SRPK2: variants seen among roughly 807,000 people sequenced by gnomAD.
SRPK2 encodes SFRS protein kinase 2.
A neutral mutation model predicts 90.8 loss-of-function variants in SRPK2; 21 were observed. The observed-to-expected ratio is 0.23, with a 90% CI of 0.16 to 0.33. SRPK2 has a LOEUF of 0.33. Ranked by LOEUF, SRPK2 falls within the 10% of genes least tolerant of loss-of-function variation. SRPK2 has a pLI of 1.00. For missense variants in SRPK2, 620 were observed against 869.0 expected (o/e 0.71, Z 3.60); for synonymous variants, 288 against 311.1 (o/e 0.93, Z 0.78).
intron 13 of SRPK2, 24 bp downstream of exon 13, chr7:105,132,767 A>G: frequency 6.3e-7 from 1 of 1,577,502 alleles, no homozygotes; most frequent in Non-Finnish European, 8.7e-7. Context: ...TTCCCATGGC[A>G]GCAAAGGGCA....
Position 105,319,504 on chromosome 7 carries a change from CGGGGG to C in SRPK2, c.71+69139_71+69143del, listed in dbSNP as rs796955446. Among the ~76,000 whole-genome samples, 2 of 5,286 alleles carry C rather than the reference CGGGGG, an allele frequency of 3.8e-4. 1 individual carries two copies. The highest frequency in any genetic ancestry group is 0.019 in the East Asian group (2 of 104). The allele number at this position is 5,286 out of a possible 152,430, so 3.5% of individuals were successfully genotyped here. A position where few individuals can be genotyped will look rare whatever the true frequency, so the allele number is the denominator to read the frequency against. Reference sequence around the variant, plus strand: ...ACTCTTAAATTTAATGCACTTGCGGCGGGGGGGGGGGGGGCGGTGGATGGCAGGGG... The same window carrying C: ...ACTCTTAAATTTAATGCACTTGCGGCGGGGGGGGGCGGTGGATGGCAGGGG... On this transcript the variant is annotated intron_variant, in intron 2 of 15. Coordinates refer to ENST00000393651, the MANE Select transcript of SRPK2 (RefSeq NM_182692.3).
intron 2 of SRPK2, among the ~76,000 whole-genome samples, chr7:105,269,315 T>C (rs943220164): frequency 2.0e-5 from 3 of 152,142 alleles, no homozygotes; most frequent in Admixed American, 6.6e-5. Flanking sequence ...CTAAAAAATA[T>C]GGCTCAGTGA....
At chr7:105,308,267 T>A (rs1811351029) in intron 2 of SRPK2, among the ~76,000 whole-genome samples, 1 of 152,198 alleles carries the variant, frequency 6.6e-6, no homozygotes, top group Non-Finnish European at 1.5e-5. Flanking sequence ...AGTTGGCACC[T>A]GAATATTTCT....
At chr7:105,384,384 A>G (rs1306459678) in intron 2 of SRPK2, among the ~76,000 whole-genome samples, 3 of 152,222 alleles carry the variant, frequency 2.0e-5, no homozygotes, top group Non-Finnish European at 2.9e-5. Flanking sequence ...TATTCCTGAC[A>G]ACTACAATTT....
chr7:105,124,822 A>G (rs1251227681), intron 15 of SRPK2, among the ~76,000 whole-genome samples: 2 of 151,810 alleles, frequency 1.3e-5, no homozygotes, highest in Non-Finnish European at 2.9e-5. Flanking sequence ...TGAAGGACCA[A>G]CTACACTCAT....
chr7:105,335,826 G>A (rs1270359469), intron 2 of SRPK2, among the ~76,000 whole-genome samples: 1 of 151,604 alleles, frequency 6.6e-6, no homozygotes, highest in Non-Finnish European at 1.5e-5. Context: ...CGTGGTGGCA[G>A]GCACCTGTAA....
In SRPK2 at chr7:105,266,220, C is replaced by CT. The variant is rs1400318965; in HGVS notation, c.72-62436dup. Among the ~76,000 whole-genome samples, 18 of 151,776 alleles carry CT rather than the reference C, an allele frequency of 1.2e-4. No individual in the cohort carries two copies. In the East Asian group the frequency reaches 3.5e-3, roughly 29 times the overall value. ...TATGTATATTTTTCAGTGAAGGACT[C>CT]TTAAGATTCTACAAAAATAAATTAG... On this transcript the variant is annotated intron_variant, in intron 2 of 15. Coordinates refer to ENST00000393651, the MANE Select transcript of SRPK2 (RefSeq NM_182692.3).
intron 2 of SRPK2, among the ~76,000 whole-genome samples, chr7:105,247,083 C>A (rs1801770736): frequency 6.6e-6 from 1 of 152,148 alleles, no homozygotes; most frequent in South Asian, 2.1e-4. Context: ...ACTTGCGGTA[C>A]CATGTGACCT....
chr7:105,260,542 C>T (rs187219508), intron 2 of SRPK2, among the ~76,000 whole-genome samples: 1 of 152,142 alleles, frequency 6.6e-6, no homozygotes. Flanking sequence ...GGTACATACC[C>T]AAAGGACTAT....
chr7:105,269,833 T>C (rs1805593296), intron 2 of SRPK2, among the ~76,000 whole-genome samples: 1 of 152,238 alleles, frequency 6.6e-6, no homozygotes, highest in South Asian at 2.1e-4. Flanking sequence ...TAAAGCTGTT[T>C]TCCTATCCCT....
At chr7:105,322,504 C>T (rs572799126) in intron 2 of SRPK2, among the ~76,000 whole-genome samples, 2 of 152,196 alleles carry the variant, frequency 1.3e-5, no homozygotes, top group South Asian at 4.2e-4. Context: ...TATATAATTG[C>T]ATTTACATGA....
chr7:105,167,743 T>C (rs2129585974), intron 5 of SRPK2, among the ~76,000 whole-genome samples: 1 of 152,226 alleles, frequency 6.6e-6, no homozygotes, highest in African/African-American at 2.4e-5. Context: ...CCCAAGGAGC[T>C]GAGATTACAG....
At chr7:105,229,443 G>A (rs770927424) in intron 2 of SRPK2, among the ~76,000 whole-genome samples, 59 of 150,762 alleles carry the variant, frequency 3.9e-4, no homozygotes, top group Non-Finnish European at 5.5e-4. Context: ...CAGCCTGGGC[G>A]ACAGAGCAAG....
At chr7:105,223,080 C>T (rs557641720) in intron 2 of SRPK2, among the ~76,000 whole-genome samples, 4 of 152,296 alleles carry the variant, frequency 2.6e-5, no homozygotes, top group South Asian at 2.1e-4. Flanking sequence ...GACCACTGAG[C>T]GCATACAGTC....
At chr7:105,371,962 A>G (rs949332904) in intron 2 of SRPK2, among the ~76,000 whole-genome samples, 6 of 151,734 alleles carry the variant, frequency 4.0e-5, no homozygotes, top group African/African-American at 1.5e-4. Flanking sequence ...GTGAAACCCC[A>G]CCTCTACTAA....
intron 2 of SRPK2, among the ~76,000 whole-genome samples, chr7:105,272,697 G>A (rs1427830092): frequency 6.6e-6 from 1 of 152,054 alleles, no homozygotes; most frequent in African/African-American, 2.4e-5. Flanking sequence ...CGGTAACTTA[G>A]TTTCCAGCCC....
At chr7:105,169,479 C>T (rs960868952) in intron 3 of SRPK2, among the ~76,000 whole-genome samples, 1 of 152,266 alleles carries the variant, frequency 6.6e-6, no homozygotes, top group Non-Finnish European at 1.5e-5. Flanking sequence ...GTAATCTCAG[C>T]ACTTTGGGAG....
At chr7:105,185,881 C>CTATA (rs1305554268) in intron 3 of SRPK2, among the ~76,000 whole-genome samples, 2 of 152,244 alleles carry the variant, frequency 1.3e-5, no homozygotes, top group East Asian at 3.9e-4. Context: ...GCTTAGAAGG[C>CTATA]TTATAATCCA....
chr7:105,151,306 A>G (rs1562993493), intron 7 of SRPK2, among the ~76,000 whole-genome samples: 1 of 152,202 alleles, frequency 6.6e-6, no homozygotes, highest in Non-Finnish European at 1.5e-5. Context: ...CCATTTACTC[A>G]TTGTGTTACC....
Sources: allele counts gnomAD v4.1 joint callset (sites outside exome capture counted in the v4.1 genomes callset), GRCh38; gene constraint gnomAD v4.1.1; transcripts MANE v1.5; gene names NCBI Gene and HGNC (gene_info 2026-07-23, HGNC 2026-07-21).